Variants in CABCOCO1 observed in about 807,000 individuals in gnomAD.
CABCOCO1 encodes ciliary-associated calcium-binding coiled-coil protein 1.
In CABCOCO1, 28 loss-of-function variants were observed where a neutral mutation model predicts 35.7. That is an observed-to-expected ratio of 0.78 (90% CI 0.58 to 1.07). CABCOCO1 has a LOEUF of 1.07. CABCOCO1 is among the 50% of genes least tolerant of loss of function. CABCOCO1 has a pLI of 0.00. For synonymous variants in CABCOCO1, 95 were observed against 100.1 expected, an observed-to-expected ratio of 0.95 and a Z score of 0.30; for missense variants, 326 against 309.2, an observed-to-expected ratio of 1.05 and a Z score of -0.41.
intron 5 of CABCOCO1, among the ~76,000 whole-genome samples, chr10:61,746,292 T>C (rs1008488038): frequency 2.0e-5 from 3 of 152,240 alleles, no homozygotes; most frequent in Admixed American, 6.5e-5. Context: ...GATAACTTCA[T>C]GTGATTCATT....
chr10:61,741,509 A>G (rs1262726098), intron 5 of CABCOCO1, among the ~76,000 whole-genome samples: 3 of 152,226 alleles, frequency 2.0e-5, no homozygotes, highest in Non-Finnish European at 4.4e-5. Flanking sequence ...TAGCTAATGT[A>G]TGAAGAAAAC....
chr10:61,688,263 T>C (rs1239277522), intron 4 of CABCOCO1, among the ~76,000 whole-genome samples: 1 of 152,194 alleles, frequency 6.6e-6, no homozygotes, highest in Non-Finnish European at 1.5e-5. Context: ...ATCAAAAGTA[T>C]AAGTGTTTGA....
intron 5 of CABCOCO1, among the ~76,000 whole-genome samples, chr10:61,709,830 T>C (rs936745696): frequency 6.6e-6 from 1 of 152,070 alleles, no homozygotes; most frequent in Non-Finnish European, 1.5e-5. Flanking sequence ...AAGCTTTATT[T>C]ATAGCCTTAT....
chr10:61,705,731 G>A (rs945178824), intron 5 of CABCOCO1, among the ~76,000 whole-genome samples: 7 of 152,222 alleles, frequency 4.6e-5, no homozygotes, highest in Non-Finnish European at 1.0e-4. Flanking sequence ...CAAACATGTA[G>A]TGCAAAGGGA....
intron 5 of CABCOCO1, among the ~76,000 whole-genome samples, chr10:61,715,226 T>G (rs1357006581): frequency 6.6e-6 from 1 of 152,206 alleles, no homozygotes. Context: ...TTTAGGATAG[T>G]TAGCTCTTCT....
chr10:61,698,753 A>G (rs900265952), intron 5 of CABCOCO1, among the ~76,000 whole-genome samples: 1 of 152,148 alleles, frequency 6.6e-6, no homozygotes, highest in Non-Finnish European at 1.5e-5. Context: ...GCAGAAAATA[A>G]CCATATAAAA....
intron 5 of CABCOCO1, among the ~76,000 whole-genome samples, chr10:61,731,432 G>C (rs937863233): frequency 6.6e-6 from 1 of 151,900 alleles, no homozygotes; most frequent in Non-Finnish European, 1.5e-5. Flanking sequence ...TTCACCTGAA[G>C]ATGAAACCCA....
intron 5 of CABCOCO1, among the ~76,000 whole-genome samples, chr10:61,715,966 G>C (rs926492131): frequency 4.0e-5 from 6 of 151,846 alleles, no homozygotes; most frequent in African/African-American, 1.4e-4. Flanking sequence ...TTTCAACCTT[G>C]GTGAATCTGA....
At chr10:61,708,704 C>T (rs1840654012) in intron 5 of CABCOCO1, among the ~76,000 whole-genome samples, 1 of 152,102 alleles carries the variant, frequency 6.6e-6, no homozygotes, top group Admixed American at 6.6e-5. Flanking sequence ...CCTCTTCATA[C>T]CATACGTTGG....
At chr10:61,708,401 A>C (rs1218834969) in intron 5 of CABCOCO1, among the ~76,000 whole-genome samples, 1 of 152,040 alleles carries the variant, frequency 6.6e-6, no homozygotes, top group Non-Finnish European at 1.5e-5. Context: ...TTGAGATGAC[A>C]TCTCTCTCTT....
chr10:61,680,735 A>AT (rs1262010976), intron 2 of CABCOCO1, among the ~76,000 whole-genome samples: 11 of 64,798 alleles, frequency 1.7e-4, no homozygotes, highest in Admixed American at 1.1e-3. Flanking sequence ...TTATATATAT[A>AT]ATATATATAT....
At chr10:61,674,745 T>A (rs1839458873) in intron 2 of CABCOCO1, among the ~76,000 whole-genome samples, 1 of 152,156 alleles carries the variant, frequency 6.6e-6, no homozygotes, top group South Asian at 2.1e-4. Context: ...AATGAAACAT[T>A]AAAGTATCAT....
At chr10:61,695,266 G>A (rs939631326) in intron 5 of CABCOCO1, among the ~76,000 whole-genome samples, 3 of 150,902 alleles carry the variant, frequency 2.0e-5, no homozygotes, top group East Asian at 1.9e-4. Context: ...CATAACTGAA[G>A]AGAAAAATTG....
chr10:61,663,713 C>A (rs1046421883), intron 1 of CABCOCO1, among the ~76,000 whole-genome samples: 3 of 152,118 alleles, frequency 2.0e-5, no homozygotes, highest in Non-Finnish European at 2.9e-5. Flanking sequence ...AAAGGTTGAT[C>A]TTTAGGCCCC....
intron 5 of CABCOCO1, among the ~76,000 whole-genome samples, chr10:61,699,398 A>T (rs1471845423): frequency 6.6e-6 from 1 of 152,156 alleles, no homozygotes; most frequent in African/African-American, 2.4e-5. Context: ...TCCATCACAG[A>T]TCACATGACA....
chr10:61,734,800 A>T (rs1841379615), intron 5 of CABCOCO1, among the ~76,000 whole-genome samples: 1 of 152,084 alleles, frequency 6.6e-6, no homozygotes, highest in Non-Finnish European at 1.5e-5. Context: ...CCAAACTAGA[A>T]GTGTTAGATA....
intron 5 of CABCOCO1, among the ~76,000 whole-genome samples, chr10:61,703,455 GA>G (rs138624842): frequency 0.015 from 2,356 of 152,154 alleles, 37 homozygotes; most frequent in East Asian, 0.046. Flanking sequence ...TTCATTTAAA[GA>G]GCGGAAATCT....
intron 5 of CABCOCO1, among the ~76,000 whole-genome samples, chr10:61,716,786 C>T (rs2132036149): frequency 6.6e-6 from 1 of 152,034 alleles, no homozygotes; most frequent in East Asian, 1.9e-4. Context: ...CTCAAACTGC[C>T]TTGCAAATAT....
At chr10:61,758,633 A>T (rs183496485) in intron 5 of CABCOCO1, among the ~76,000 whole-genome samples, 3 of 152,214 alleles carry the variant, frequency 2.0e-5, no homozygotes, top group Admixed American at 2.0e-4. Flanking sequence ...ATTACAGTTT[A>T]CTGAAAACCA....
Sources: gnomAD v4.1 joint callset for allele counts (sites outside exome capture counted in the v4.1 genomes callset) on GRCh38, gnomAD v4.1.1 for gene constraint, MANE v1.5 for transcripts, NCBI Gene and HGNC (gene_info 2026-07-23, HGNC 2026-07-21) for gene names.